Variants in FRS3 observed in about 807,000 individuals in gnomAD.
FRS3 encodes FGFR substrate 3.
A neutral mutation model predicts 41.9 loss-of-function variants in FRS3; 17 were observed. The observed-to-expected ratio is 0.41, with a 90% confidence interval of 0.28 to 0.61. The LOEUF (loss-of-function observed/expected upper bound fraction) is 0.61, where lower values mean the gene tolerates loss of function less well. FRS3 is among the 20% of genes least tolerant of loss of function. The pLI is 0.36. For missense variants in FRS3, 619 were observed against 672.1 expected (o/e 0.92, Z 0.87); for synonymous variants, 287 against 274.5 (o/e 1.05, Z -0.45).
At chr6:41,776,776 G>T (rs1581972169) in intron 3 of FRS3, 146 bp downstream of exon 3, 2 of 712,190 alleles carry the variant, frequency 2.8e-6, no homozygotes, top group East Asian at 2.5e-5. Flanking sequence ...TACTTGAGAG[G>T]GTGTGAGCTC....
At chr6:41,776,771 G>A (rs757369473) in intron 3 of FRS3, 151 bp downstream of exon 3, 56 of 691,862 alleles carry the variant, frequency 8.1e-5, no homozygotes, top group Non-Finnish European at 1.4e-4. Flanking sequence ...CAGGCTACTT[G>A]AGAGGGTGTG....
Position 41,772,856 on chromosome 6 carries a change from G to A in FRS3, c.357C>T (p.Ile119=). The change falls in exon 5 of 7, where the codon ATC becomes ATT. Residue 119 remains isoleucine (I), a synonymous_variant. Coordinates refer to ENST00000373018, the MANE Select transcript of FRS3 (RefSeq NM_006653.5). ...SINVMEEPVI[I]TRNSHPAELD... The stretch of plus-strand genomic sequence containing the variant: ...GCTCAGCGGGGTGGCTATTGCGGGT[G>A]ATGATGACAGGCTCTTCCATCACAT... The A allele has an allele frequency of 1.2e-6, 2 of 1,613,868 alleles. No individual in the cohort carries two copies. The highest frequency in any genetic ancestry group is 1.7e-6 in the Non-Finnish European group (2 of 1,179,972).
At chr6:41,775,626 G>A (rs776029710) in intron 3 of FRS3, 21 bp from the exon 4 acceptor site, 3 of 1,594,930 alleles carry the variant, frequency 1.9e-6, no homozygotes, top group Non-Finnish European at 2.6e-6. Context: ...GAAGACAGAA[G>A]GGTCAATGAG....
rs1772391297 is a variant in FRS3, at chr6:41,775,494, G to A, written c.178C>T (p.Leu60Phe). The A allele has an allele frequency of 1.9e-6, 3 of 1,614,010 alleles. No homozygotes were observed. The highest frequency in any genetic ancestry group is 2.2e-5 in the South Asian group (2 of 91,076). ...TCGTAGCCATAGCGCCGCAAGCAGA[G>A]ATAAGGCCAGCGGACGGCCTCACGC... ...HRREAVRWPY[L>F]CLRRYGYDSN... The change falls in exon 4 of 7, where the codon CTC (leucine) becomes TTC (phenylalanine). Residue 60 changes from leucine (L) to phenylalanine (F), a missense_variant. By Grantham distance (22) the Leu-to-Phe change is conservative (BLOSUM62 0). Around this residue, in one of 3 missense-constraint regions of FRS3, gnomAD observed 100 missense variants for 138.1 expected, o/e 0.72. Transcript: ENST00000373018.
Position 41,775,547 on chromosome 6 carries a change from T to G in FRS3, c.125A>C (p.Gln42Pro). 6.2e-7 allele frequency: 1 copy of G among 1,614,014 alleles called. No individual in the cohort carries two copies. The highest frequency in any genetic ancestry group is 1.1e-5 in the South Asian group (1 of 91,082). Reference sequence around the variant, plus strand: ...ATGCAGGTGCAGCACCAGCTCACTCTGCGTCAGCTCCATCACCCCAGAGCC... The same window carrying G: ...ATGCAGGTGCAGCACCAGCTCACTCGGCGTCAGCTCCATCACCCCAGAGCC... ...ELGSGVMELT[Q>P]SELVLHLHRR... Residue 42 changes from glutamine (Q) to proline (P), a missense_variant, in exon 4 of 7, where the codon CAG (glutamine) becomes CCG (proline). Around this residue, in one of 3 missense-constraint regions of FRS3, gnomAD observed 100 missense variants for 138.1 expected, o/e 0.72. Transcript: ENST00000373018.
At chr6:41,771,624 A>G (rs1015039808) in intron 6 of FRS3, 91 bp from the exon 7 acceptor site, 1 of 1,258,962 alleles carries the variant, frequency 7.9e-7, no homozygotes. Flanking sequence ...AAGCACACAG[A>G]AAAAGACCTG....
intron 5 of FRS3, among the ~76,000 whole-genome samples, chr6:41,772,473 A>G (rs530904537): frequency 6.6e-6 from 1 of 152,188 alleles, no homozygotes; most frequent in Non-Finnish European, 1.5e-5. Flanking sequence ...AGGAAGGTAT[A>G]TGGGGATGAC....
At chr6:41,777,135 AC>A (rs919684215) in intron 2 of FRS3, 125 bp from the exon 3 acceptor site, 24 of 654,776 alleles carry the variant, frequency 3.7e-5, no homozygotes, top group Admixed American at 3.6e-4. Flanking sequence ...TGTGATACAG[AC>A]CCCCCCTCAA....
intron 3 of FRS3, chr6:41,776,592 A>G (rs1435395434): frequency 7.3e-6 from 2 of 273,820 alleles, no homozygotes; most frequent in South Asian, 6.0e-5. Context: ...CTTTACGTAT[A>G]TTAACTCACA....
At chr6:41,778,231 C>G (rs989616149) in intron 1 of FRS3, 55 bp from the exon 2 acceptor site, 1 of 152,386 alleles carries the variant, frequency 6.6e-6, no homozygotes, top group East Asian at 1.9e-4. Flanking sequence ...TCACCCCCAA[C>G]TGTTAATGAA....
chr6:41,771,412 C>T lies in FRS3; in HGVS notation c.686G>A (p.Arg229Gln), dbSNP rs953956294. The part of the protein sequence containing the change: ...FLPQARGPDQ[R>Q]DPQVFLQPGQ... ...TGGCTGCAAGAACACCTGTGGGTCC[C>T]GTTGGTCAGGTCCCCGGGCCTGCGG... The change falls in exon 7 of 7, where the codon CGG becomes CAG. Residue 229 changes from arginine to glutamine, a missense_variant. Transcript: ENST00000373018. 3.1e-6 allele frequency: 5 copies of T among 1,613,550 alleles called. No homozygotes were observed. The highest frequency in any genetic ancestry group is 1.7e-5 in the Admixed American group (1 of 59,946).
At position 41,771,535 on chromosome 6, in the gene FRS3, T is replaced by C. The variant is rs1411923729; in HGVS notation, c.565-2A>G. ...CGGTGTGTTGACATAGGTGTGGGAC[T>C]GGGGAAAGAGTCCAAGTGAGGCAGG... On this transcript the variant is annotated splice_acceptor_variant, in intron 6 of 6. Transcript: ENST00000373018. LOFTEE classifies it high-confidence loss of function. 1 of 1,524,096 alleles carries C rather than the reference T, an allele frequency of 6.6e-7. No individual in the cohort carries two copies. Among genetic ancestry groups the C allele is most frequent in the Admixed American group, 2.0e-5 (1 of 49,258 alleles). The allele number at this position is 1,524,096 out of a possible 1,614,324, so 94.4% of individuals were successfully genotyped here.
intron 3 of FRS3, 62 bp from the exon 4 acceptor site, chr6:41,775,667 G>T: frequency 8.3e-7 from 1 of 1,210,688 alleles, no homozygotes; most frequent in Non-Finnish European, 1.2e-6. Flanking sequence ...ATGGGTCCCT[G>T]AGCCACTGGG....
chr6:41,775,322 G>C, intron 4 of FRS3, 97 bp downstream of exon 4: 1 of 910,658 alleles, frequency 1.1e-6, no homozygotes, highest in South Asian at 1.8e-5. Flanking sequence ...CAGGTGATGG[G>C]GATAACACTA....
Position 41,772,857 on chromosome 6 carries a change from A to T in FRS3, c.356T>A (p.Ile119Asn). The T allele has an allele frequency of 1.2e-6, 2 of 1,613,450 alleles. No homozygotes were observed. The highest frequency in any genetic ancestry group is 1.7e-6 in the Non-Finnish European group (2 of 1,179,940). ...SINVMEEPVI[I>N]TRNSHPAELD... ...CTCAGCGGGGTGGCTATTGCGGGTG[A>T]TGATGACAGGCTCTTCCATCACATT... Residue 119 changes from isoleucine (I) to asparagine (N), a missense_variant, in exon 5 of 7, where the codon ATC becomes AAC. Around this residue, in one of 3 missense-constraint regions of FRS3, gnomAD observed 487 missense variants for 478.3 expected, o/e 1.02. Transcript: ENST00000373018.
At position 41,775,479 on chromosome 6, in the gene FRS3, A is replaced by G. The variant is rs1248115494; in HGVS notation, c.193T>C (p.Tyr65His). The G allele has an allele frequency of 1.2e-6, 2 of 1,613,888 alleles. No individual in the cohort carries two copies. Among genetic ancestry groups the G allele is most frequent in the African/African-American group, 1.3e-5 (1 of 75,054 alleles). The change falls in exon 4 of 7, where the codon TAT becomes CAT. Residue 65 changes from tyrosine (Y) to histidine (H), a missense_variant. Tyr to His is a moderately conservative substitution (Grantham distance 83, BLOSUM62 2). Around this residue, in one of 3 missense-constraint regions of FRS3, gnomAD observed 100 missense variants for 138.1 expected, o/e 0.72. Transcript: ENST00000373018. ...VRWPYLCLRRYGYDSNLFSFE... is the reference protein window; with the variant it reads ...VRWPYLCLRRHGYDSNLFSFE... ...GAGAAGAGGTTGGAGTCGTAGCCAT[A>G]GCGCCGCAAGCAGAGATAAGGCCAG...
chr6:41,771,829 G>A lies in FRS3; in HGVS notation c.551C>T (p.Ala184Val), dbSNP rs1334245476. 2.8e-5 allele frequency: 43 copies of A among 1,552,138 alleles called. No individual in the cohort carries two copies. The highest frequency in any genetic ancestry group is 3.7e-5 in the Non-Finnish European group (42 of 1,147,704). ...LGEESTHALI[A>V]PDEQSHTYVN... ...CTGCGTGCTCACCTGCTCATCAGGA[G>A]CAATGAGGGCATGGGTGGACTCTTC... The change falls in exon 6 of 7, where the codon GCT becomes GTT. Residue 184 changes from alanine (A) to valine (V), a missense_variant. Ala to Val is a moderately conservative substitution (Grantham distance 64). Around this residue, in one of 3 missense-constraint regions of FRS3, gnomAD observed 487 missense variants for 478.3 expected, o/e 1.02. Coordinates refer to ENST00000373018, the MANE Select transcript of FRS3 (RefSeq NM_006653.5).
chr6:41,772,852 G>A lies in FRS3; in HGVS notation c.361C>T (p.Arg121Cys), dbSNP rs545980178. 20 of 1,613,748 alleles carry A rather than the reference G, an allele frequency of 1.2e-5. No homozygotes were observed. Among genetic ancestry groups the A allele is most frequent in the African/African-American group, 6.7e-5 (5 of 74,950 alleles). ...TCAAGCTCAGCGGGGTGGCTATTGC[G>A]GGTGATGATGACAGGCTCTTCCATC... ...NVMEEPVIIT[R>C]NSHPAELDLP... is the part of the protein sequence containing the mutation. Residue 121 changes from arginine to cysteine, a missense_variant, in exon 5 of 7, where the codon CGC becomes TGC. Arg to Cys is a radical substitution (Grantham distance 180). Around this residue, in one of 3 missense-constraint regions of FRS3, gnomAD observed 487 missense variants for 478.3 expected, o/e 1.02. Coordinates refer to ENST00000373018, the MANE Select transcript of FRS3 (RefSeq NM_006653.5).
Position 41,772,944 on chromosome 6 carries a change from T to C in FRS3, c.269A>G (p.Lys90Arg). ...CQTGQGIFAF[K>R]CSRAEEIFNL... is the part of the protein sequence containing the mutation. The stretch of plus-strand genomic sequence containing the variant: ...GAAGATTTCCTCAGCCCGGGAACAC[T>C]TAAATGCAAATATTCCTGGAGAAGG... The change falls in exon 5 of 7, where the codon AAG becomes AGG. Residue 90 changes from lysine to arginine, a missense_variant. By Grantham distance (26) the Lys-to-Arg change is conservative. This residue lies in a region of FRS3 where 100 missense variants were observed against 138.1 expected (regional missense o/e 0.72). Coordinates refer to ENST00000373018, the MANE Select transcript of FRS3 (RefSeq NM_006653.5). 1 of 1,613,894 alleles carries C rather than the reference T, an allele frequency of 6.2e-7. No homozygotes were observed.
Sources: gnomAD v4.1 joint callset for allele counts (sites outside exome capture counted in the v4.1 genomes callset) on GRCh38, gnomAD v4.1.1 for gene constraint, gnomAD v4.1.1 regional missense constraint, MANE v1.5 for transcripts, NCBI Gene and HGNC (gene_info 2026-07-23, HGNC 2026-07-21) for gene names.